SP1: variants seen among roughly 807,000 people sequenced by gnomAD.
The protein encoded by SP1 is Sp1 transcription factor.
A neutral mutation model predicts 66.3 loss-of-function variants in SP1; 6 were observed. That is an observed-to-expected ratio of 0.09 (90% CI 0.05 to 0.18). The LOEUF (loss-of-function observed/expected upper bound fraction) is 0.18. Ranked by LOEUF, SP1 falls within the 10% of genes least tolerant of loss-of-function variation. The pLI is 1.00. For missense variants in SP1, 848 were observed against 964.5 expected (o/e 0.88, Z 1.60); for synonymous variants, 417 against 360.8 (o/e 1.16, Z -1.77).
intron 3 of SP1, 72 bp from the exon 4 acceptor site, chr12:53,406,513 G>C (rs1257113302): frequency 1.6e-6 from 2 of 1,257,720 alleles, no homozygotes; most frequent in Admixed American, 3.7e-5. Flanking sequence ...TGTTGTGACT[G>C]TAGGGTATCA....
intron 3 of SP1, among the ~76,000 whole-genome samples, chr12:53,386,212 C>G (rs538552415): frequency 6.6e-6 from 1 of 152,084 alleles, no homozygotes; most frequent in Non-Finnish European, 1.5e-5. Flanking sequence ...AGGTAGCAGT[C>G]TAACTTCCTA....
Position 53,413,008 on chromosome 12 carries a change from TAA to T in SP1, c.*1771_*1772del, listed in dbSNP as rs1330594211. 6.6e-6 allele frequency: 1 copy of T among 151,964 alleles called. No homozygotes were observed. The highest frequency in any genetic ancestry group is 2.4e-5 in the African/African-American group (1 of 41,196). 9.4% of individuals were successfully genotyped at this position (151,964 alleles called of 1,614,324 possible). A position where few individuals can be genotyped will look rare whatever the true frequency, so the allele number is the denominator to read the frequency against. ...GGATAGGTTTTCTGCTAGCCAATAT[TAA>T]AAGAGACCTGCAATAAAAAAATTAC... is the stretch of plus-strand genomic sequence containing the variant. On this transcript the variant is annotated 3_prime_UTR_variant, in exon 6 of 6. Transcript: ENST00000327443.
Position 53,412,580 on chromosome 12 carries a change from G to T in SP1, c.*1340G>T, listed in dbSNP as rs930742064. On this transcript the variant is annotated 3_prime_UTR_variant, in exon 6 of 6. Coordinates refer to ENST00000327443, the MANE Select transcript of SP1 (RefSeq NM_138473.3). ...AAGCATGTGCTAGTGGCAAGACAGT[G>T]GTTCTTATGATGTTTTCCCTTAACT... The T allele has an allele frequency of 6.6e-6, 1 of 152,578 alleles. No individual in the cohort carries two copies. Among genetic ancestry groups the T allele is most frequent in the African/African-American group, 2.4e-5 (1 of 41,446 alleles). 9.5% of individuals were successfully genotyped at this position (152,578 alleles called of 1,614,324 possible). A position where few individuals can be genotyped will look rare whatever the true frequency, so the allele number is the denominator to read the frequency against.
chr12:53,394,118 G>T (rs948667191), intron 3 of SP1, among the ~76,000 whole-genome samples: 2 of 151,936 alleles, frequency 1.3e-5, no homozygotes, highest in African/African-American at 4.8e-5. Flanking sequence ...AGGAGGCTGA[G>T]GCAGGAGAAT....
intron 2 of SP1, 140 bp downstream of exon 2, chr12:53,381,953 A>G: frequency 1.7e-6 from 2 of 1,197,510 alleles, no homozygotes; most frequent in South Asian, 3.0e-5. Context: ...GGAGATCCCC[A>G]AAGACAAAGG....
At chr12:53,384,742 T>G (rs1938187423) in intron 3 of SP1, among the ~76,000 whole-genome samples, 1 of 151,914 alleles carries the variant, frequency 6.6e-6, no homozygotes, top group Non-Finnish European at 1.5e-5. Flanking sequence ...ATGCAGGCAC[T>G]GAGAAGACGA....
intron 2 of SP1, 97 bp downstream of exon 2, chr12:53,381,910 T>A: frequency 7.3e-7 from 1 of 1,376,466 alleles, no homozygotes; most frequent in Non-Finnish European, 1.0e-6. Context: ...AGGGAGAGAC[T>A]AAACCATTTT....
At position 53,381,648 on chromosome 12, in the gene SP1, A is replaced by G. The variant is rs768587211; in HGVS notation, c.8-11A>G. 6.3e-7 allele frequency: 1 copy of G among 1,591,230 alleles called. No homozygotes were observed. Among genetic ancestry groups the G allele is most frequent in the Middle Eastern group, 1.7e-4 (1 of 5,940 alleles). On this transcript the variant is annotated splice_polypyrimidine_tract_variant and intron_variant, in intron 1 of 5. Transcript: ENST00000327443. ...CTCAAGTTTACGTTGTTTGTTTTTT[A>G]ATTATTTTAGACCAAGATCACTCCA...
At chr12:53,381,379 C>T (rs1051128683) in intron 1 of SP1, 5 of 264,804 alleles carry the variant, frequency 1.9e-5, no homozygotes, top group African/African-American at 8.9e-5. Context: ...CTCACCATGC[C>T]TACCGTCCTT....
Position 53,382,613 on chromosome 12 carries a change from C to G in SP1, c.666C>G (p.Gly222=), listed in dbSNP as rs369480574. 21 of 1,614,064 alleles carry G rather than the reference C, an allele frequency of 1.3e-5. No individual in the cohort carries two copies. Among genetic ancestry groups the G allele is most frequent in the East Asian group, 2.2e-5 (1 of 44,898 alleles). ...QQIITNRGSG[G]NIIAAMPNLL... ...TTATCACAAATCGAGGAAGTGGAGG[C>G]AACATCATTGCTGCTATGCCAAACC... The change falls in exon 3 of 6, where the codon GGC becomes GGG. Residue 222 remains glycine, a synonymous_variant. Coordinates refer to ENST00000327443, the MANE Select transcript of SP1 (RefSeq NM_138473.3).
rs1488899654 is a variant in SP1 at position 53,398,314 on chromosome 12, G to A, written c.1676-8271G>A. ...GTTTTTTGTTTTGAGACAGAGTCTCGCTCTGTCTCCCAGGCTGGAGTGCAG... is the reference window on the plus strand; with the variant it reads ...GTTTTTTGTTTTGAGACAGAGTCTCACTCTGTCTCCCAGGCTGGAGTGCAG... On this transcript the variant is annotated intron_variant, in intron 3 of 5. Transcript: ENST00000327443. 5.3e-5 allele frequency among the ~76,000 whole-genome samples: 8 copies of A among 151,938 alleles called. No individual in the cohort carries two copies. In the South Asian group the frequency reaches 1.5e-3, roughly 28 times the overall value.
At chr12:53,409,247 T>C in intron 4 of SP1, 115 bp from the exon 5 acceptor site, 1 of 843,804 alleles carries the variant, frequency 1.2e-6, no homozygotes, top group Non-Finnish European at 1.8e-6. Flanking sequence ...GAAGACTTTT[T>C]CAAAAAATAA....
At chr12:53,384,425 C>T (rs1378771810) in intron 3 of SP1, among the ~76,000 whole-genome samples, 1 of 151,806 alleles carries the variant, frequency 6.6e-6, no homozygotes, top group African/African-American at 2.4e-5. Flanking sequence ...GCTGGGATTG[C>T]AGGCGAGCAC....
intron 5 of SP1, among the ~76,000 whole-genome samples, chr12:53,410,335 T>C (rs1218421718): frequency 6.6e-6 from 1 of 151,836 alleles, no homozygotes; most frequent in African/African-American, 2.4e-5. Context: ...AATAAGGAGC[T>C]AGATTTTGAG....
At chr12:53,406,859 CTG>C in intron 4 of SP1, 106 bp downstream of exon 4, 1 of 974,550 alleles carries the variant, frequency 1.0e-6, no homozygotes, top group South Asian at 1.7e-5. Context: ...GAGTCTGACT[CTG>C]TTGCCCAGGC....
chr12:53,409,242 C>A, intron 4 of SP1, 120 bp from the exon 5 acceptor site: 1 of 816,772 alleles, frequency 1.2e-6, no homozygotes, highest in Non-Finnish European at 1.9e-6. Context: ...AAAAAGAAGA[C>A]TTTTTCAAAA....
intron 3 of SP1, among the ~76,000 whole-genome samples, chr12:53,396,898 GGATTACAGGTGTGAGCCA>G (rs1308243661): frequency 6.6e-6 from 1 of 151,886 alleles, no homozygotes; most frequent in Non-Finnish European, 1.5e-5. Flanking sequence ...CAGAGTGCTG[GGATTACAGGTGTGAGCCA>G]CCACACCCGG....
chr12:53,406,865 C>T (rs1938751479), intron 4 of SP1, 112 bp downstream of exon 4: 2 of 933,636 alleles, frequency 2.1e-6, no homozygotes, highest in Admixed American at 5.4e-5. Context: ...GACTCTGTTG[C>T]CCAGGCTGGA....
chr12:53,409,647 G>T, intron 5 of SP1, 86 bp downstream of exon 5: 1 of 1,131,552 alleles, frequency 8.8e-7, no homozygotes, highest in South Asian at 1.4e-5. Context: ...TAAAATTTCT[G>T]AGCAACTTAA....
Sources: gnomAD v4.1 joint callset for allele counts (sites outside exome capture counted in the v4.1 genomes callset) on GRCh38, gnomAD v4.1.1 for gene constraint, MANE v1.5 for transcripts, NCBI Gene and HGNC (gene_info 2026-07-23, HGNC 2026-07-21) for gene names.